Variants in HAPSTR1 observed in about 807,000 individuals in gnomAD.
HAPSTR1 encodes HUWE1 associated protein modifying stress responses.
At chr16:9,112,774 C>A in the HAPSTR1 span, 2 of 152,274 alleles carry the variant, frequency 1.3e-5, no homozygotes, top group East Asian at 3.9e-4. Context: ...GTGGGAGTTT[C>A]CTTTTCAAAG....
At chr16:9,095,445 AG>A in the HAPSTR1 span, among the ~76,000 whole-genome samples, 2 of 152,122 alleles carry the variant, frequency 1.3e-5, no homozygotes, top group African/African-American at 4.8e-5. Context: ...ATATAATTTA[AG>A]GGGGGAAAAA....
chr16:9,120,352 GGT>G, the HAPSTR1 span: 1 of 152,246 alleles, frequency 6.6e-6, no homozygotes, highest in Non-Finnish European at 1.5e-5. Context: ...GAATATTTGA[GGT>G]GTGTGATGTT....
At chr16:9,113,018 GTTTTTTTTGT>G in the HAPSTR1 span, 23 of 125,888 alleles carry the variant, frequency 1.8e-4, no homozygotes, top group Non-Finnish European at 3.2e-4. Context: ...TTTTTTTTTT[GTTTTTTTTGT>G]TTTTTTTTGT....
chr16:9,116,283 G>GGA, the HAPSTR1 span, among the ~76,000 whole-genome samples: 1 of 152,156 alleles, frequency 6.6e-6, no homozygotes, highest in Non-Finnish European at 1.5e-5. Flanking sequence ...GGGGTCTGTT[G>GGA]GAATGGTAAC....
At chr16:9,101,613 C>T in the HAPSTR1 span, among the ~76,000 whole-genome samples, 6 of 151,934 alleles carry the variant, frequency 3.9e-5, no homozygotes, top group Non-Finnish European at 2.9e-5. Context: ...TTTTCTTTGT[C>T]TTTAGCAATA....
chr16:9,115,133 G>A, the HAPSTR1 span, among the ~76,000 whole-genome samples: 2 of 152,150 alleles, frequency 1.3e-5, no homozygotes, highest in Non-Finnish European at 2.9e-5. Flanking sequence ...CAGCATGTGC[G>A]ATGATAGTGG....
At chr16:9,093,070 T>A in the HAPSTR1 span, 1 of 1,439,750 alleles carries the variant, frequency 6.9e-7, no homozygotes, top group Non-Finnish European at 9.6e-7. Flanking sequence ...TGCCCTGCGT[T>A]CCAAGTGTGT....
At chr16:9,098,592 C>T in the HAPSTR1 span, among the ~76,000 whole-genome samples, 1 of 152,228 alleles carries the variant, frequency 6.6e-6, no homozygotes, top group African/African-American at 2.4e-5. Flanking sequence ...GGGAGAGGTT[C>T]TCTTGAGATC....
At chr16:9,091,962 G>A in the HAPSTR1 span, 2 of 1,207,484 alleles carry the variant, frequency 1.7e-6, no homozygotes, top group African/African-American at 1.6e-5. Context: ...CCGCCGGGCC[G>A]CTTGACGACG....
chr16:9,110,325 A>G, the HAPSTR1 span: 7 of 152,150 alleles, frequency 4.6e-5, no homozygotes, highest in Non-Finnish European at 1.0e-4. Flanking sequence ...ATAAGGTTGG[A>G]TAGGAATGTT....
the HAPSTR1 span, chr16:9,113,005 G>GTTTTTTTTTTTGTTTTTTT: frequency 7.3e-6 from 1 of 136,652 alleles, no homozygotes; most frequent in Non-Finnish European, 1.6e-5. Flanking sequence ...GTACAACTTG[G>GTTTTTTTTTTTGTTTTTTT]TTTTTTTTTT....
the HAPSTR1 span, chr16:9,117,878 G>A: frequency 6.5e-6 from 1 of 152,746 alleles, no homozygotes; most frequent in East Asian, 1.9e-4. Context: ...ATGGGTGGAA[G>A]ATGATAAAGC....
the HAPSTR1 span, chr16:9,105,129 T>C: frequency 6.6e-6 from 1 of 152,212 alleles, no homozygotes; most frequent in Non-Finnish European, 1.5e-5. Context: ...ATATTGAATC[T>C]GTTCCACCTG....
chr16:9,096,523 C>T, the HAPSTR1 span, among the ~76,000 whole-genome samples: 3 of 152,132 alleles, frequency 2.0e-5, no homozygotes, highest in African/African-American at 7.2e-5. Context: ...TTCAGTGTGG[C>T]CATTTTGGAC....
At chr16:9,093,013 C>T in the HAPSTR1 span, 115 of 1,605,760 alleles carry the variant, frequency 7.2e-5, no homozygotes, top group Middle Eastern at 7.0e-4. Context: ...TAAAGATAAC[C>T]TTGCTGCATT....
the HAPSTR1 span, chr16:9,103,130 C>G: frequency 1.9e-6 from 3 of 1,614,020 alleles, no homozygotes; most frequent in African/African-American, 4.0e-5. Context: ...TGGAAAAGTT[C>G]CTCCACCACG....
chr16:9,120,257 G>T, the HAPSTR1 span: 2 of 152,118 alleles, frequency 1.3e-5, no homozygotes, highest in Non-Finnish European at 2.9e-5. Flanking sequence ...AGTGTTTATG[G>T]TACCTGCTAC....
At chr16:9,092,412 C>G in the HAPSTR1 span, 1 of 718,436 alleles carries the variant, frequency 1.4e-6, no homozygotes, top group Non-Finnish European at 1.9e-6. Context: ...GCGGCCCTGC[C>G]GCCCCCTCCC....
the HAPSTR1 span, chr16:9,117,170 C>T: frequency 8.7e-6 from 4 of 458,710 alleles, no homozygotes; most frequent in South Asian, 2.9e-5. Flanking sequence ...CATAGGCAAA[C>T]ATATATCCGT....
Sources: allele counts gnomAD v4.1 joint callset (sites outside exome capture counted in the v4.1 genomes callset), GRCh38; gene constraint gnomAD v4.1.1; transcripts MANE v1.5; gene names NCBI Gene and HGNC (gene_info 2026-07-23, HGNC 2026-07-21).